FAM151B: variants seen among roughly 807,000 people sequenced by gnomAD.
FAM151B encodes the protein family with sequence similarity 151 member B, also known as protein FAM151B.
Under a neutral mutation model 31.2 loss-of-function variants are expected in FAM151B, and 24 were observed. The ratio of observed to expected loss-of-function variants is 0.77; its 90% CI spans 0.56 to 1.08. FAM151B has a LOEUF of 1.08. FAM151B is among the 50% of genes least tolerant of loss of function. FAM151B has a pLI of 0.00. For synonymous variants in FAM151B, 105 were observed against 111.4 expected (o/e 0.94, Z 0.36); for missense variants, 293 against 328.6 (o/e 0.89, Z 0.84).
chr5:80,518,256 C>A (rs1449016764), intron 3 of FAM151B, among the ~76,000 whole-genome samples: 24 of 151,946 alleles, frequency 1.6e-4, no homozygotes, highest in Admixed American at 1.5e-3. Context: ...AAATCAGAGT[C>A]CTTTTTGGAA....
chr5:80,501,376 A>G (rs62365355), intron 1 of FAM151B: 325 of 1,255,300 alleles, frequency 2.6e-4, no homozygotes, highest in Non-Finnish European at 3.1e-4. Context: ...GGACCAGATC[A>G]ACAGGCTTAC....
Position 80,507,576 on chromosome 5 carries a change from G to A in FAM151B, c.151+5659G>A, listed in dbSNP as rs189424068. On this transcript the variant is annotated intron_variant, in intron 2 of 5. Coordinates refer to ENST00000282226, the MANE Select transcript of FAM151B (RefSeq NM_205548.3). ...CATGCCTGTAATCCCAGCTACTTGG[G>A]AGGCTCAGGCAGGAGAATTGCTTGA... is the stretch of plus-strand genomic sequence containing the variant. Among the ~76,000 whole-genome samples the A allele has an allele frequency of 6.6e-5, 10 of 152,266 alleles. No individual in the cohort carries two copies. In the East Asian group the frequency reaches 1.9e-3, roughly 29 times the overall value.
intron 5 of FAM151B, among the ~76,000 whole-genome samples, chr5:80,539,734 G>A (rs759939869): frequency 1.3e-4 from 19 of 150,588 alleles, no homozygotes; most frequent in Non-Finnish European, 1.3e-4. Context: ...TCAGGCAATC[G>A]GCCTGCCTCG....
chr5:80,504,018 A>G (rs796518843), intron 2 of FAM151B, among the ~76,000 whole-genome samples: 3 of 152,302 alleles, frequency 2.0e-5, no homozygotes, highest in Non-Finnish European at 2.9e-5. Flanking sequence ...TCTCCAGGCC[A>G]GGTCTCCCTC....
intron 5 of FAM151B, among the ~76,000 whole-genome samples, chr5:80,533,447 AAAAT>A (rs1745340034): frequency 6.6e-6 from 1 of 151,430 alleles, no homozygotes; most frequent in Non-Finnish European, 1.5e-5. Flanking sequence ...TTAGTAGAAG[AAAAT>A]AAATAATAAA....
chr5:80,501,701 G>A, intron 1 of FAM151B, 91 bp from the exon 2 acceptor site: 1 of 827,226 alleles, frequency 1.2e-6, no homozygotes, highest in Non-Finnish European at 1.9e-6. Context: ...AACAGCATAT[G>A]TGTATCTTAA....
In FAM151B at chr5:80,526,174, CTA is replaced by C. The variant is rs561494950; in HGVS notation, c.671+4038_671+4039del. The stretch of plus-strand genomic sequence containing the variant: ...CCACATTTCAAATCCTGTGAATGCT[CTA>C]TGTCCATTCTCATTTGGTTGAAAAA... On this transcript the variant is annotated intron_variant, in intron 5 of 5. Transcript: ENST00000282226. 1.7e-3 allele frequency among the ~76,000 whole-genome samples: 266 copies of C among 152,052 alleles called. 1 individual carries two copies. The highest frequency in any genetic ancestry group is 4.4e-3 in the South Asian group (21 of 4,824).
intron 1 of FAM151B, among the ~76,000 whole-genome samples, chr5:80,489,782 G>A (rs1221413608): frequency 6.6e-6 from 1 of 152,104 alleles, no homozygotes; most frequent in East Asian, 1.9e-4. Context: ...ATAATTAGCC[G>A]GGCGTGGTGG....
chr5:80,501,970 TC>T, intron 2 of FAM151B, 53 bp downstream of exon 2: 1 of 1,412,702 alleles, frequency 7.1e-7, no homozygotes, highest in East Asian at 2.6e-5. Flanking sequence ...TTAATTCAAC[TC>T]CTTTTTTGAT....
chr5:80,504,735 G>A (rs1166963281), intron 2 of FAM151B, among the ~76,000 whole-genome samples: 7 of 151,870 alleles, frequency 4.6e-5, no homozygotes, highest in East Asian at 1.9e-4. Flanking sequence ...GGCTAGGATG[G>A]TCTCCATCTC....
chr5:80,538,513 T>TTTCTTTCCTTCCTTCC (rs1210333115), intron 5 of FAM151B, among the ~76,000 whole-genome samples: 2 of 61,504 alleles, frequency 3.3e-5, no homozygotes, highest in Non-Finnish European at 6.5e-5. Context: ...CTTTTCTTTC[T>TTTCTTTCCTTCCTTCC]TTCCTTCCTT....
At chr5:80,503,083 A>T in intron 2 of FAM151B, among the ~76,000 whole-genome samples, 1 of 152,224 alleles carries the variant, frequency 6.6e-6, no homozygotes, top group Non-Finnish European at 1.5e-5. Flanking sequence ...TACGCTAAAT[A>T]AAAACCACTA....
chr5:80,531,407 G>A (rs1239556178), intron 5 of FAM151B, among the ~76,000 whole-genome samples: 3 of 152,286 alleles, frequency 2.0e-5, no homozygotes, highest in East Asian at 3.9e-4. Context: ...AAACTAAAGA[G>A]CTTCTGCACA....
chr5:80,535,824 T>G (rs890069138), intron 5 of FAM151B, among the ~76,000 whole-genome samples: 2 of 152,108 alleles, frequency 1.3e-5, no homozygotes, highest in African/African-American at 4.8e-5. Flanking sequence ...GGAGAAAACA[T>G]TTGCAAACTA....
chr5:80,495,550 G>T (rs1362981524), intron 1 of FAM151B, among the ~76,000 whole-genome samples: 1 of 152,202 alleles, frequency 6.6e-6, no homozygotes, highest in African/African-American at 2.4e-5. Context: ...GCAAAAGAGG[G>T]CAGGGCGCAG....
rs1491255452 is a variant in FAM151B, at chr5:80,538,535, TCC to T, written c.672-3137_672-3136del. Among the ~76,000 whole-genome samples the T allele has an allele frequency of 6.6e-4, 86 of 129,878 alleles. 1 individual carries two copies. The highest frequency in any genetic ancestry group is 2.5e-3 in the African/African-American group (83 of 32,676). The allele number at this position is 129,878 out of a possible 152,430, so 85.2% of individuals were successfully genotyped here. On this transcript the variant is annotated intron_variant, in intron 5 of 5. Coordinates refer to ENST00000282226, the MANE Select transcript of FAM151B (RefSeq NM_205548.3). ...TTCTTTCCTTCCTTCCTTCCTTCCT[TCC>T]TTCCTTCCTTCCTTCCTTCCTTCCT...
In FAM151B at chr5:80,542,238, T is replaced by C. The variant is rs1045910055; in HGVS notation, c.*406T>C. On this transcript the variant is annotated 3_prime_UTR_variant, in exon 6 of 6. Transcript: ENST00000282226. ...CTTTTTCCTAGAAAACTGGTTATTT[T>C]AGAGATAACAAAAAAGGAAGAGGGC... The C allele has an allele frequency of 2.6e-5, 4 of 155,954 alleles. No individual in the cohort carries two copies. Among genetic ancestry groups the C allele is most frequent in the Non-Finnish European group, 5.6e-5 (4 of 70,876 alleles). The allele number at this position is 155,954 out of a possible 1,614,324, so 9.7% of individuals were successfully genotyped here.
At chr5:80,500,888 T>G (rs985617732) in intron 1 of FAM151B, 1 of 816,892 alleles carries the variant, frequency 1.2e-6, no homozygotes, top group East Asian at 2.4e-5. Flanking sequence ...ATCCTCTGCA[T>G]GGAGGATCTG....
intron 1 of FAM151B, among the ~76,000 whole-genome samples, chr5:80,492,221 G>A (rs1274111216): frequency 6.6e-6 from 1 of 151,736 alleles, no homozygotes; most frequent in African/African-American, 2.4e-5. Flanking sequence ...CTTGTATTGA[G>A]CAAGTCTGTT....
Sources: allele counts gnomAD v4.1 joint callset (sites outside exome capture counted in the v4.1 genomes callset), GRCh38; gene constraint gnomAD v4.1.1; transcripts MANE v1.5; gene names NCBI Gene and HGNC (gene_info 2026-07-23, HGNC 2026-07-21).